Variants in NCKAP5 observed in about 807,000 individuals in gnomAD.
The protein encoded by NCKAP5 is NCK associated protein 5, also known as nck-associated protein 5.
Under a neutral mutation model 167.0 loss-of-function variants are expected in NCKAP5, and 92 were observed. The observed-to-expected ratio is 0.55, with a 90% CI of 0.47 to 0.66. The LOEUF (loss-of-function observed/expected upper bound fraction) is 0.66, where lower values mean the gene tolerates loss of function less well. Ranked by LOEUF, NCKAP5 falls within the 30% of genes least tolerant of loss-of-function variation. The pLI is 0.00. For missense variants in NCKAP5, 2,378 were observed against 2,315.0 expected (o/e 1.03, Z -0.56); for synonymous variants, 891 against 877.4 (o/e 1.02, Z -0.27).
chr2:132,673,165 T>C lies in NCKAP5; in HGVS notation c.*124A>G. ...CATTTTTTTCTTTTTCTTCCTTCTG[T>C]CCTTCAACCTTGTTCAGAGAGTTCT... On this transcript the variant is annotated 3_prime_UTR_variant, in exon 20 of 20. Transcript: ENST00000409261. The C allele has an allele frequency of 2.2e-6, 3 of 1,380,722 alleles. No homozygotes were observed. The highest frequency in any genetic ancestry group is 2.8e-6 in the Non-Finnish European group (3 of 1,069,474). 85.5% of individuals were successfully genotyped at this position (1,380,722 alleles called of 1,614,324 possible). A position where few individuals can be genotyped will look rare whatever the true frequency, so the allele number is the denominator to read the frequency against.
the NCKAP5 span, among the ~76,000 whole-genome samples, chr2:133,577,871 C>T: frequency 3.3e-5 from 5 of 152,278 alleles, no homozygotes; most frequent in African/African-American, 1.2e-4. Flanking sequence ...TTTCCAAACC[C>T]TCTCCCCATT....
chr2:133,228,231 G>A (rs959927597), intron 4 of NCKAP5, among the ~76,000 whole-genome samples: 3 of 152,250 alleles, frequency 2.0e-5, no homozygotes, highest in Non-Finnish European at 2.9e-5. Context: ...CACATGGGTC[G>A]AAAATTTATA....
At chr2:133,600,580 T>A in the NCKAP5 span, among the ~76,000 whole-genome samples, 2 of 152,178 alleles carry the variant, frequency 1.3e-5, no homozygotes, top group Non-Finnish European at 1.5e-5. Context: ...TAGTGGAAAA[T>A]GAAGTTCCAT....
chr2:132,816,427 C>T (rs530783959), intron 11 of NCKAP5, among the ~76,000 whole-genome samples: 195 of 152,240 alleles, frequency 1.3e-3, no homozygotes, highest in African/African-American at 4.5e-3. Flanking sequence ...ATGTCGGGAG[C>T]GGCTTGCTGG....
chr2:133,599,550 G>A, the NCKAP5 span, among the ~76,000 whole-genome samples: 1 of 152,196 alleles, frequency 6.6e-6, no homozygotes, highest in Non-Finnish European at 1.5e-5. Context: ...CCCTTTCTAA[G>A]TGCCAGGCAT....
At chr2:133,171,689 T>G (rs2084256468) in intron 5 of NCKAP5, among the ~76,000 whole-genome samples, 1 of 152,190 alleles carries the variant, frequency 6.6e-6, no homozygotes, top group Non-Finnish European at 1.5e-5. Context: ...CAGAAATATA[T>G]GTCAACACAA....
At chr2:132,712,450 G>GCAAA (rs1688947363) in intron 19 of NCKAP5, among the ~76,000 whole-genome samples, 1 of 152,114 alleles carries the variant, frequency 6.6e-6, no homozygotes, top group Admixed American at 6.6e-5. Context: ...AGGAGATTGG[G>GCAAA]ACCATCCTGG....
chr2:133,341,774 T>C (rs1328386193), intron 3 of NCKAP5, among the ~76,000 whole-genome samples: 5 of 152,150 alleles, frequency 3.3e-5, no homozygotes, highest in Non-Finnish European at 5.9e-5. Flanking sequence ...TTTCCTGTCT[T>C]TACATTTCCA....
chr2:133,510,733 A>G (rs1275133267), intron 3 of NCKAP5, among the ~76,000 whole-genome samples: 1 of 152,220 alleles, frequency 6.6e-6, no homozygotes, highest in African/African-American at 2.4e-5. Context: ...ACTGGCATAA[A>G]GCAATTTTCT....
intron 19 of NCKAP5, among the ~76,000 whole-genome samples, chr2:132,719,271 A>T (rs1248177788): frequency 6.6e-6 from 1 of 152,216 alleles, no homozygotes; most frequent in African/African-American, 2.4e-5. Context: ...AAAAAATTTT[A>T]AGTAAAACAA....
In NCKAP5 at chr2:132,923,950, C is replaced by T. The variant is rs556271918; in HGVS notation, c.579+39770G>A. 1.1e-4 allele frequency among the ~76,000 whole-genome samples: 17 copies of T among 152,276 alleles called. No individual in the cohort carries two copies. In the South Asian group the frequency reaches 3.5e-3, roughly 32 times the overall value. ...AGGATCTGACACATTAAAAGCTGGA[C>T]GTTAGCCCAGTTAGCCTGAGTGAGA... On this transcript the variant is annotated intron_variant, in intron 8 of 19. Transcript: ENST00000409261.
intron 6 of NCKAP5, among the ~76,000 whole-genome samples, chr2:133,090,563 C>G (rs970737924): frequency 6.6e-5 from 10 of 152,106 alleles, no homozygotes; most frequent in Admixed American, 5.2e-4. Flanking sequence ...TGTGGCTCTG[C>G]AGACACCTTG....
chr2:133,414,007 T>C (rs1688946152), intron 3 of NCKAP5, among the ~76,000 whole-genome samples: 2 of 152,222 alleles, frequency 1.3e-5, no homozygotes, highest in Non-Finnish European at 2.9e-5. Flanking sequence ...CTCACTATCC[T>C]GGTGCCCTTG....
At chr2:133,664,659 C>A in the NCKAP5 span, among the ~76,000 whole-genome samples, 3 of 152,108 alleles carry the variant, frequency 2.0e-5, no homozygotes, top group Non-Finnish European at 2.9e-5. Flanking sequence ...ACCACCACAC[C>A]CAGCTAATTC....
chr2:133,584,003 C>G, the NCKAP5 span, among the ~76,000 whole-genome samples: 8,717 of 152,310 alleles, frequency 0.057, 585 homozygotes, highest in East Asian at 0.35. Flanking sequence ...ATCCACCCAC[C>G]TCAGCCTCCC....
At chr2:132,944,708 G>A (rs1368620394) in intron 8 of NCKAP5, among the ~76,000 whole-genome samples, 5 of 152,134 alleles carry the variant, frequency 3.3e-5, no homozygotes, top group Admixed American at 3.3e-4. Context: ...CTTCCAGTAG[G>A]AAGAAACTAC....
chr2:133,654,150 G>A, the NCKAP5 span, among the ~76,000 whole-genome samples: 12,183 of 152,064 alleles, frequency 0.08, 566 homozygotes, highest in African/African-American at 0.097. Flanking sequence ...TTGGGAGGCC[G>A]AGGCAGGTGG....
In NCKAP5 at chr2:132,897,053, A is replaced by T. The variant is rs145648442; in HGVS notation, c.580-18137T>A. 3.0e-4 allele frequency among the ~76,000 whole-genome samples: 45 copies of T among 152,366 alleles called. No homozygotes were observed. The East Asian group carries it at 8.7e-3, about 29-fold the overall frequency. On this transcript the variant is annotated intron_variant, in intron 8 of 19. Transcript: ENST00000409261. ...ATATAGTAATTATCCAGAGATAAAT[A>T]ATCATGGAATCATAGTTTGAGGTGA...
At chr2:132,896,681 T>C (rs1468796147) in intron 8 of NCKAP5, among the ~76,000 whole-genome samples, 4 of 152,186 alleles carry the variant, frequency 2.6e-5, no homozygotes, top group Admixed American at 6.5e-5. Context: ...CAAGAGAATA[T>C]TGAATCATTG....
Sources: allele counts gnomAD v4.1 joint callset (sites outside exome capture counted in the v4.1 genomes callset), GRCh38; gene constraint gnomAD v4.1.1; transcripts MANE v1.5; gene names NCBI Gene and HGNC (gene_info 2026-07-23, HGNC 2026-07-21).